The following FGD6 variants were observed in gnomAD, a reference collection of about 807,000 sequenced individuals.
FGD6 encodes the protein FYVE, RhoGEF and PH domain containing 6.
Under a neutral mutation model 149.4 loss-of-function variants are expected in FGD6, and 90 were observed. The ratio of observed to expected loss-of-function variants is 0.60; its 90% CI spans 0.51 to 0.72. The LOEUF (loss-of-function observed/expected upper bound fraction) is 0.72, where lower values mean the gene tolerates loss of function less well. Among genes scored for constraint, FGD6 ranks in the 30% least tolerant of loss-of-function variants. FGD6 has a pLI of 0.00. For synonymous variants in FGD6, 527 were observed against 584.0 expected (o/e 0.90, Z 1.41); for missense variants, 1,437 against 1,684.8 (o/e 0.85, Z 2.57).
At chr12:95,114,893 G>A (rs1015294883) in intron 8 of FGD6, among the ~76,000 whole-genome samples, 1 of 151,892 alleles carries the variant, frequency 6.6e-6, no homozygotes, top group Non-Finnish European at 1.5e-5. Flanking sequence ...TTTGATCTGT[G>A]CAACCCCTTA....
chr12:95,092,959 G>T, intron 15 of FGD6, 114 bp from the exon 16 acceptor site: 2 of 1,211,402 alleles, frequency 1.7e-6, no homozygotes, highest in Non-Finnish European at 2.3e-6. Flanking sequence ...AGCAGCTCAC[G>T]CCTGTAATCC....
rs754990643 is a variant in FGD6, at chr12:95,092,709, G to C, written c.3737C>G (p.Ala1246Gly). The change falls in exon 16 of 21, where the codon GCC becomes GGC. Residue 1246 changes from alanine (A) to glycine (G), a missense_variant. This residue lies in a region of FGD6 where 382 missense variants were observed against 538.7 expected (regional missense o/e 0.71). Transcript: ENST00000343958. The stretch of plus-strand genomic sequence containing the variant: ...GTTATCATCGCCAACCTTTCCACAG[G>C]CCCGGCAGTGGTGTCGTCTCCAGGT... ...TLTWRRHHCR[A>G]CGKIVCQACS... 1.2e-6 allele frequency: 2 copies of C among 1,613,942 alleles called. No homozygotes were observed. The highest frequency in any genetic ancestry group is 2.2e-5 in the South Asian group (2 of 91,062).
At chr12:95,083,213 C>CT (rs1201371730) in intron 20 of FGD6, among the ~76,000 whole-genome samples, 1 of 150,948 alleles carries the variant, frequency 6.6e-6, no homozygotes, top group Non-Finnish European at 1.5e-5. Flanking sequence ...CATAGCAAGG[C>CT]TTTTTTCCCA....
chr12:95,106,937 C>G lies in FGD6; in HGVS notation c.3417+17G>C, dbSNP rs780435588. 6.4e-7 allele frequency: 1 copy of G among 1,560,520 alleles called. No homozygotes were observed. Among genetic ancestry groups the G allele is most frequent in the Non-Finnish European group, 8.8e-7 (1 of 1,134,450 alleles). ...CAAAACAAAACAAAAAACAAAACAT[C>G]TAACAGATGCACACACCTTCATTCC... On this transcript the variant is annotated intron_variant, in intron 13 of 20. Coordinates refer to ENST00000343958, the MANE Select transcript of FGD6 (RefSeq NM_018351.4).
intron 3 of FGD6, among the ~76,000 whole-genome samples, chr12:95,155,438 G>A (rs1459248751): frequency 6.6e-6 from 1 of 152,170 alleles, no homozygotes; most frequent in Admixed American, 6.5e-5. Context: ...TGAGGCAGGA[G>A]AATCGCTTGA....
intron 5 of FGD6, among the ~76,000 whole-genome samples, chr12:95,148,605 G>A (rs1880097807): frequency 1.1e-5 from 1 of 91,440 alleles, no homozygotes; most frequent in East Asian, 4.2e-4. Flanking sequence ...TACATAGCAT[G>A]TTATATATAT....
At chr12:95,177,908 A>AATTTATTTATTTATTT (rs71078616) in intron 2 of FGD6, among the ~76,000 whole-genome samples, 9,939 of 142,296 alleles carry the variant, frequency 0.07, 501 homozygotes, top group Admixed American at 0.11. Flanking sequence ...TTTAAACAAC[A>AATTTATTTATTTATTT]ATTTATTTAT....
At chr12:95,147,837 T>C (rs1187781619) in intron 5 of FGD6, among the ~76,000 whole-genome samples, 1 of 152,156 alleles carries the variant, frequency 6.6e-6, no homozygotes, top group Non-Finnish European at 1.5e-5. Context: ...GAGCACTTAA[T>C]AGAACACCAT....
chr12:95,092,747 G>T lies in FGD6; in HGVS notation c.3699C>A (p.Ser1233Arg), dbSNP rs79088969. Residue 1233 changes from serine (S) to arginine (R), a missense_variant, in exon 16 of 21, where the codon AGC (serine) becomes AGA (arginine). By Grantham distance (110) the Ser-to-Arg change is moderately radical. Around this residue, in one of 2 missense-constraint regions of FGD6, gnomAD observed 382 missense variants for 538.7 expected, o/e 0.71. Coordinates refer to ENST00000343958, the MANE Select transcript of FGD6 (RefSeq NM_018351.4). ...GTCGTCTCCAGGTGAGAGTGAATTC[G>T]CTTGTGCAGATCATACACATTGTGG... The part of the protein sequence containing the change: ...TRATMCMICT[S>R]EFTLTWRRHH... The T allele has an allele frequency of 8.7e-6, 14 of 1,613,972 alleles. No individual in the cohort carries two copies. In the South Asian group the frequency reaches 1.4e-4, roughly 16 times the overall value.
In FGD6 at chr12:95,209,041, T is replaced by A. The variant is rs199586569; in HGVS notation, c.2243A>T (p.Tyr748Phe). ...KSVTSLCAPE[Y>F]ENIRHYEEIP... ...TTCCTCATAATGGCGTATATTTTCA[T>A]ACTCCGGTGCACAGAGGCTTGTAAC... Residue 748 changes from tyrosine (Y) to phenylalanine (F), a missense_variant, in exon 2 of 21, where the codon TAT becomes TTT. Tyr to Phe is a conservative substitution (Grantham distance 22). Transcript: ENST00000343958. The A allele has an allele frequency of 2.5e-6, 4 of 1,614,074 alleles. No homozygotes were observed. In the South Asian group the frequency reaches 3.3e-5, roughly 13 times the overall value.
At chr12:95,095,077 A>G (rs1878193206) in intron 14 of FGD6, among the ~76,000 whole-genome samples, 2 of 152,258 alleles carry the variant, frequency 1.3e-5, no homozygotes, top group African/African-American at 4.8e-5. Context: ...AAACATTCCA[A>G]TAAGTCAAGT....
At chr12:95,143,754 A>G (rs1879926905) in intron 5 of FGD6, among the ~76,000 whole-genome samples, 1 of 152,190 alleles carries the variant, frequency 6.6e-6, no homozygotes, top group Admixed American at 6.5e-5. Flanking sequence ...AGGGCTATAG[A>G]ATACATTTAC....
At chr12:95,130,723 T>TA (rs1879495836) in intron 8 of FGD6, among the ~76,000 whole-genome samples, 2 of 151,058 alleles carry the variant, frequency 1.3e-5, no homozygotes, top group African/African-American at 4.9e-5. Context: ...TACATAAAAT[T>TA]TAAAAAAAAA....
At chr12:95,204,816 C>T (rs958784542) in intron 2 of FGD6, among the ~76,000 whole-genome samples, 10 of 152,128 alleles carry the variant, frequency 6.6e-5, no homozygotes, top group Non-Finnish European at 1.2e-4. Context: ...ATATAACCTG[C>T]GGACTAAACT....
chr12:95,103,403 TG>T (rs1878511590), intron 14 of FGD6, among the ~76,000 whole-genome samples: 1 of 152,210 alleles, frequency 6.6e-6, no homozygotes, highest in Non-Finnish European at 1.5e-5. Context: ...AACTCAGTAA[TG>T]TATTTTTATG....
intron 16 of FGD6, among the ~76,000 whole-genome samples, chr12:95,092,252 ACT>A (rs1259041464): frequency 1.3e-5 from 2 of 152,048 alleles, no homozygotes; most frequent in Non-Finnish European, 2.9e-5. Flanking sequence ...TTTTAGAGTG[ACT>A]CTCTGATGTC....
intron 8 of FGD6, among the ~76,000 whole-genome samples, chr12:95,114,884 T>G (rs1878960290): frequency 6.6e-6 from 1 of 152,142 alleles, no homozygotes; most frequent in Non-Finnish European, 1.5e-5. Flanking sequence ...CTGACTAAAT[T>G]TGATCTGTGC....
intron 3 of FGD6, among the ~76,000 whole-genome samples, chr12:95,164,762 G>A (rs1040688550): frequency 6.6e-6 from 1 of 152,022 alleles, no homozygotes; most frequent in African/African-American, 2.4e-5. Flanking sequence ...ATTATTAAAA[G>A]GCCTCTTCTA....
intron 8 of FGD6, among the ~76,000 whole-genome samples, chr12:95,120,134 CAGA>C (rs1879144813): frequency 6.6e-6 from 1 of 151,544 alleles, no homozygotes; most frequent in African/African-American, 2.4e-5. Flanking sequence ...GAGGCTGAGA[CAGA>C]AGAACTGCTT....
Sources: gnomAD v4.1 joint callset for allele counts (sites outside exome capture counted in the v4.1 genomes callset) on GRCh38, gnomAD v4.1.1 for gene constraint, gnomAD v4.1.1 regional missense constraint, MANE v1.5 for transcripts, NCBI Gene and HGNC (gene_info 2026-07-23, HGNC 2026-07-21) for gene names.